Variants in FRRS1 observed in about 807,000 individuals in gnomAD.
FRRS1 encodes ferric chelate reductase 1.
FRRS1 carries 51 observed loss-of-function variants against 70.7 expected under a neutral mutation model. The observed-to-expected ratio is 0.72, with a 90% CI of 0.58 to 0.91. The LOEUF is 0.91. Ranked by LOEUF, FRRS1 falls within the 40% of genes least tolerant of loss-of-function variation. FRRS1 has a pLI of 0.00. For missense variants in FRRS1, 672 were observed against 726.0 expected (o/e 0.93, Z 0.86); for synonymous variants, 225 against 238.7 (o/e 0.94, Z 0.53).
intron 7 of FRRS1, among the ~76,000 whole-genome samples, chr1:99,736,037 C>T (rs966285105): frequency 6.6e-6 from 1 of 152,022 alleles, no homozygotes; most frequent in Non-Finnish European, 1.5e-5. Flanking sequence ...CAGGTTAATC[C>T]TTTTTGGACT....
intron 6 of FRRS1, 64 bp downstream of exon 6, chr1:99,740,729 C>T (rs556434063): frequency 6.8e-5 from 79 of 1,163,192 alleles, no homozygotes; most frequent in African/African-American, 5.8e-4. Context: ...CTCAGGAGTT[C>T]GAGACCGGCC....
chr1:99,731,443 A>G (rs914096122), intron 7 of FRRS1, among the ~76,000 whole-genome samples: 1 of 152,238 alleles, frequency 6.6e-6, no homozygotes, highest in Non-Finnish European at 1.5e-5. Flanking sequence ...ATGTACTGTT[A>G]CACATATTAC....
At chr1:99,726,229 T>G (rs1363534877) in intron 9 of FRRS1, among the ~76,000 whole-genome samples, 1 of 152,192 alleles carries the variant, frequency 6.6e-6, no homozygotes, top group Non-Finnish European at 1.5e-5. Flanking sequence ...TACTTCCCCT[T>G]TGCCTTCTGC....
intron 4 of FRRS1, among the ~76,000 whole-genome samples, chr1:99,742,919 G>A (rs1179663662): frequency 2.0e-5 from 3 of 152,128 alleles, no homozygotes; most frequent in Non-Finnish European, 1.5e-5. Context: ...TCTTCAAGGA[G>A]CAAGAGTAAG....
In FRRS1 at chr1:99,707,457, T is replaced by G. The variant is rs1237309963; in HGVS notation, c.*1571A>C. 6.6e-6 allele frequency among the ~76,000 whole-genome samples: 1 copy of G among 152,172 alleles called. No homozygotes were observed. Among genetic ancestry groups the G allele is most frequent in the Non-Finnish European group, 1.5e-5 (1 of 68,026 alleles). Reference sequence around the variant, plus strand: ...GTTTATTTATTTGCTTTGCCTAAGATAGCTGCATTCATTATTACAGGGTCA... The same window carrying G: ...GTTTATTTATTTGCTTTGCCTAAGAGAGCTGCATTCATTATTACAGGGTCA... On this transcript the variant is annotated 3_prime_UTR_variant, in exon 17 of 17. Transcript: ENST00000646001.
At chr1:99,721,967 T>C (rs975205768) in intron 9 of FRRS1, among the ~76,000 whole-genome samples, 7 of 151,990 alleles carry the variant, frequency 4.6e-5, no homozygotes, top group African/African-American at 1.7e-4. Context: ...AGTTCTACCA[T>C]ACCATTAAAA....
intron 9 of FRRS1, among the ~76,000 whole-genome samples, chr1:99,724,877 T>C (rs542193706): frequency 6.6e-6 from 1 of 152,020 alleles, no homozygotes; most frequent in South Asian, 2.1e-4. Flanking sequence ...TATATTGTAT[T>C]AATATCTATT....
chr1:99,729,863 A>G (rs1655259170), intron 7 of FRRS1, 115 bp from the exon 8 acceptor site: 1 of 653,374 alleles, frequency 1.5e-6, no homozygotes, highest in Non-Finnish European at 2.7e-6. Context: ...TGAAAACATA[A>G]TTTACTGAAT....
intron 1 of FRRS1, among the ~76,000 whole-genome samples, chr1:99,755,074 A>AAAT (rs1348310152): frequency 5.3e-5 from 8 of 151,966 alleles, no homozygotes; most frequent in Non-Finnish European, 1.2e-4. Context: ...TCCATGGAGA[A>AAAT]AATAATAATA....
At chr1:99,739,927 C>T (rs1459631170) in intron 6 of FRRS1, among the ~76,000 whole-genome samples, 1 of 152,008 alleles carries the variant, frequency 6.6e-6, no homozygotes, top group African/African-American at 2.4e-5. Flanking sequence ...TCTAACTTAT[C>T]AGAATTTCCT....
chr1:99,713,837 C>A lies in FRRS1; in HGVS notation c.1324-1322G>T, dbSNP rs192103396. 1.3e-5 allele frequency among the ~76,000 whole-genome samples: 2 copies of A among 152,150 alleles called. 1 individual carries two copies. The highest frequency in any genetic ancestry group is 2.9e-5 in the Non-Finnish European group (2 of 68,004). ...CAAGTAAGTAAATTATATGAAATGG[C>A]ATAAAGAGTGCTATGGGAAAAAATA... On this transcript the variant is annotated intron_variant, in intron 12 of 16. Coordinates refer to ENST00000646001, the MANE Select transcript of FRRS1 (RefSeq NM_001361041.2).
intron 12 of FRRS1, 29 bp downstream of exon 12, chr1:99,715,556 TA>T (rs746882771): frequency 4.3e-5 from 56 of 1,301,378 alleles, no homozygotes; most frequent in East Asian, 3.9e-4. Context: ...AATGGATTTA[TA>T]AAAAAAACCC....
intron 9 of FRRS1, among the ~76,000 whole-genome samples, chr1:99,727,473 G>A (rs1006942887): frequency 5.3e-5 from 8 of 152,062 alleles, no homozygotes; most frequent in South Asian, 4.2e-4. Context: ...AATAAAAAGC[G>A]AGTTAATTAA....
rs1479466088 is a variant in FRRS1, at chr1:99,707,107, A to G, written c.*1921T>C. Among the ~76,000 whole-genome samples the G allele has an allele frequency of 6.6e-6, 1 of 152,182 alleles. No individual in the cohort carries two copies. Among genetic ancestry groups the G allele is most frequent in the Non-Finnish European group, 1.5e-5 (1 of 68,016 alleles). ...TATAGAATATGAACACAGAAAGTTC[A>G]TATCTAAGCCCTAAGCCACTTATGA... is the stretch of plus-strand genomic sequence containing the variant. On this transcript the variant is annotated 3_prime_UTR_variant, in exon 17 of 17. Coordinates refer to ENST00000646001, the MANE Select transcript of FRRS1 (RefSeq NM_001361041.2).
At chr1:99,714,862 A>G (rs1330956005) in intron 12 of FRRS1, among the ~76,000 whole-genome samples, 4 of 152,226 alleles carry the variant, frequency 2.6e-5, no homozygotes, top group African/African-American at 9.6e-5. Context: ...TGTCTTAGAC[A>G]TGCAAGTCAA....
intron 9 of FRRS1, among the ~76,000 whole-genome samples, chr1:99,727,541 T>C (rs1212235988): frequency 6.6e-6 from 1 of 152,238 alleles, no homozygotes; most frequent in Non-Finnish European, 1.5e-5. Flanking sequence ...TCAAAACTTT[T>C]GGGAGTCTGC....
chr1:99,734,669 G>T (rs1655560788), intron 7 of FRRS1, among the ~76,000 whole-genome samples: 1 of 152,210 alleles, frequency 6.6e-6, no homozygotes, highest in South Asian at 2.1e-4. Context: ...AGCAGTAACT[G>T]ATGTGTTTAT....
At chr1:99,724,718 C>T (rs1654995328) in intron 9 of FRRS1, among the ~76,000 whole-genome samples, 2 of 151,826 alleles carry the variant, frequency 1.3e-5, no homozygotes, top group South Asian at 4.1e-4. Context: ...TTGGAAAATT[C>T]ATTCCCAGGA....
rs1284429994 is a variant in FRRS1, at chr1:99,704,406, T to A, written c.*4622A>T. 2.0e-5 allele frequency among the ~76,000 whole-genome samples: 3 copies of A among 152,184 alleles called. No homozygotes were observed. The highest frequency in any genetic ancestry group is 2.0e-4 in the Admixed American group (3 of 15,278). ...CTAGAACTTGATAAACTAGCTTTTGTAAGTGATAACGGGAGGGAAGTGCTG... is the reference window on the plus strand; with the variant it reads ...CTAGAACTTGATAAACTAGCTTTTGAAAGTGATAACGGGAGGGAAGTGCTG... On this transcript the variant is annotated 3_prime_UTR_variant, in exon 17 of 17. Transcript: ENST00000646001.
Sources: allele counts gnomAD v4.1 joint callset (sites outside exome capture counted in the v4.1 genomes callset), GRCh38; gene constraint gnomAD v4.1.1; transcripts MANE v1.5; gene names NCBI Gene and HGNC (gene_info 2026-07-23, HGNC 2026-07-21).